Variants in ERMARD observed in about 807,000 individuals in gnomAD.
ERMARD encodes endoplasmic reticulum membrane-associated RNA degradation protein.
A neutral mutation model predicts 83.9 loss-of-function variants in ERMARD; 71 were observed. That is an observed-to-expected ratio of 0.85 (90% confidence interval 0.70 to 1.03). The LOEUF (loss-of-function observed/expected upper bound fraction) is 1.03. ERMARD is among the 50% of genes least tolerant of loss of function. The pLI is 0.00. For synonymous variants in ERMARD, 284 were observed against 298.6 expected (o/e 0.95, Z 0.50); for missense variants, 838 against 810.9 (o/e 1.03, Z -0.41).
In ERMARD at chr6:169,760,532, G is replaced by A. The variant is rs191682313; in HGVS notation, c.743-110G>A. 230 of 741,030 alleles carry A rather than the reference G, an allele frequency of 3.1e-4. 1 individual carries two copies. The highest frequency in any genetic ancestry group is 3.0e-3 in the African/African-American group (168 of 56,250). The allele number at this position is 741,030 out of a possible 1,614,324, so 45.9% of individuals were successfully genotyped here. A position where few individuals can be genotyped will look rare whatever the true frequency, so the allele number is the denominator to read the frequency against. On this transcript the variant is annotated intron_variant, in intron 7 of 17. Transcript: ENST00000366773. ...ACAAGTCCCCTGCTGCAGGGGTCAC[G>A]GTTCAGCCACCTAAAGGGGTTGGCT...
chr6:169,753,946 A>G lies in ERMARD; in HGVS notation c.89A>G (p.Glu30Gly), dbSNP rs533667178. 3.4e-5 allele frequency: 55 copies of G among 1,613,852 alleles called. No homozygotes were observed. In the South Asian group the frequency reaches 5.4e-4, roughly 16 times the overall value. ...IICNLGFQLR[E>G]NCDINSIVTQ... is the part of the protein sequence containing the mutation. ...TGTAATCTTGGGTTTCAACTCAGAGAAAATTGTGATATCAATAGCATTGTA... is the reference window on the plus strand; with the variant it reads ...TGTAATCTTGGGTTTCAACTCAGAGGAAATTGTGATATCAATAGCATTGTA... Residue 30 changes from glutamate (E) to glycine (G), a missense_variant, in exon 2 of 18, where the codon GAA becomes GGA. Physicochemically the swap from Glu to Gly is moderately conservative, Grantham distance 98. Transcript: ENST00000366773.
intron 14 of ERMARD, 64 bp from the exon 15 acceptor site, chr6:169,775,876 G>T: frequency 1.3e-6 from 2 of 1,579,138 alleles, no homozygotes; most frequent in South Asian, 1.2e-5. Context: ...GAACATTCTT[G>T]TGCACAGGCA....
chr6:169,775,206 A>C (rs1361705787), intron 13 of ERMARD, 64 bp from the exon 14 acceptor site: 2 of 1,547,202 alleles, frequency 1.3e-6, no homozygotes, highest in African/African-American at 2.7e-5. Flanking sequence ...AACATCCATA[A>C]AAACACAGAT....
chr6:169,778,591 A>G (rs1048482260), intron 16 of ERMARD, among the ~76,000 whole-genome samples: 2 of 152,202 alleles, frequency 1.3e-5, no homozygotes, highest in Non-Finnish European at 2.9e-5. Context: ...CTTTACATAG[A>G]TATCGCTGGA....
chr6:169,778,775 A>T (rs935354001), intron 16 of ERMARD, among the ~76,000 whole-genome samples: 1 of 152,238 alleles, frequency 6.6e-6, no homozygotes, highest in Non-Finnish European at 1.5e-5. Flanking sequence ...GGTGGCATTG[A>T]GCCTGCTTTC....
intron 1 of ERMARD, among the ~76,000 whole-genome samples, chr6:169,753,593 CAA>C (rs922259660): frequency 6.6e-6 from 1 of 151,282 alleles, no homozygotes; most frequent in African/African-American, 2.4e-5. Flanking sequence ...AAGGAATAAA[CAA>C]TGGCTACCCC....
chr6:169,762,313 G>A (rs1423957555), intron 8 of ERMARD, 116 bp from the exon 9 acceptor site: 11 of 903,518 alleles, frequency 1.2e-5, no homozygotes, highest in East Asian at 2.5e-5. Flanking sequence ...AGCCTCAAGC[G>A]ATCCTCCCAC....
intron 12 of ERMARD, chr6:169,773,054 T>C (rs1793158825): frequency 2.6e-6 from 1 of 378,248 alleles, no homozygotes; most frequent in African/African-American, 2.1e-5. Context: ...TTTTTTTTCT[T>C]ATTCATCTCC....
At chr6:169,751,694 C>G (rs776985400) in intron 1 of ERMARD, 31 bp downstream of exon 1, 5 of 1,540,578 alleles carry the variant, frequency 3.2e-6, no homozygotes, top group South Asian at 1.2e-5. Context: ...GGTTCGATCC[C>G]GAGCTAGGCA....
At position 169,776,586 on chromosome 6, in the gene ERMARD, C is replaced by T; in HGVS notation, c.1652C>T (p.Thr551Ile). 1 of 1,614,248 alleles carries T rather than the reference C, an allele frequency of 6.2e-7. No individual in the cohort carries two copies. Among genetic ancestry groups the T allele is most frequent in the Non-Finnish European group, 8.5e-7 (1 of 1,180,058 alleles). ...EQCRRVSSQV[T>I]VASELRHRQW... ...TGCCGCCGTGTGTCCAGCCAGGTCA[C>T]CGTTGCCTCAGAGCTGAGACACAGG... Residue 551 changes from threonine (T) to isoleucine (I), a missense_variant, in exon 16 of 18, where the codon ACC (threonine) becomes ATC (isoleucine). Transcript: ENST00000366773.
chr6:169,755,563 G>A, intron 3 of ERMARD, 141 bp downstream of exon 3: 1 of 1,014,940 alleles, frequency 9.9e-7, no homozygotes, highest in Non-Finnish European at 1.4e-6. Flanking sequence ...AGAGAACCCT[G>A]GGCTATTATG....
rs755400967 is a variant in ERMARD, at chr6:169,779,175, T to G, written c.1740-7T>G. On this transcript the variant is annotated splice_region_variant and splice_polypyrimidine_tract_variant and intron_variant, in intron 16 of 17. Transcript: ENST00000366773. The stretch of plus-strand genomic sequence containing the variant: ...TCACATTTTAATTTACTTTTATCTG[T>G]TTTTAGTATCAGACTACTGTCCCCT... 1 of 1,610,122 alleles carries G rather than the reference T, an allele frequency of 6.2e-7. No individual in the cohort carries two copies. The highest frequency in any genetic ancestry group is 2.2e-5 in the East Asian group (1 of 44,872).
intron 7 of ERMARD, 144 bp downstream of exon 7, chr6:169,760,118 A>G: frequency 2.1e-6 from 3 of 1,432,756 alleles, no homozygotes; most frequent in Non-Finnish European, 2.8e-6. Flanking sequence ...TGCTTGAAGA[A>G]CCTCCTACAT....
chr6:169,766,828 C>T (rs558206920), intron 10 of ERMARD, among the ~76,000 whole-genome samples, 161 bp downstream of exon 10: 34 of 152,252 alleles, frequency 2.2e-4, no homozygotes, highest in African/African-American at 6.5e-4. Context: ...TTGATATTTC[C>T]GGTTAATTTT....
intron 11 of ERMARD, 56 bp from the exon 12 acceptor site, chr6:169,769,484 C>G: frequency 6.8e-7 from 1 of 1,480,690 alleles, no homozygotes; most frequent in Non-Finnish European, 9.1e-7. Flanking sequence ...CAACACCAGG[C>G]ACGTCTCTCT....
intron 12 of ERMARD, chr6:169,770,443 A>G (rs969071053): frequency 6.6e-5 from 10 of 152,162 alleles, no homozygotes; most frequent in African/African-American, 2.4e-4. Flanking sequence ...TCAATATGTT[A>G]TTATTTACCT....
chr6:169,753,866 A>G lies in ERMARD; in HGVS notation c.9A>G (p.Val3=), dbSNP rs61736820. The G allele has an allele frequency of 1.3e-6, 2 of 1,552,728 alleles. No homozygotes were observed. The highest frequency in any genetic ancestry group is 1.7e-6 in the Non-Finnish European group (2 of 1,149,060). ...TTTTATTTTATTTTATTTTTTAGGT[A>G]TTAATAGGGGACCCTATTACCACAT... ME[V]LIGDPITTCL... The change falls in exon 2 of 18, where the codon GTA becomes GTG. Residue 3 remains valine, a splice_region_variant and synonymous_variant. Transcript: ENST00000366773.
rs1793540841 is a variant in ERMARD at position 169,775,970 on chromosome 6, C to G, written c.1425C>G (p.Cys475Trp). The change falls in exon 15 of 18, where the codon TGC becomes TGG. Residue 475 changes from cysteine to tryptophan, a missense_variant. Cys to Trp is a radical substitution (Grantham distance 215). Transcript: ENST00000366773. ...AAGATAATTCTGAAACAAATGCCTG[C>G]CACTCTTTGATTACAAAAATGACGG... is the stretch of plus-strand genomic sequence containing the variant. ...RLEDNSETNA[C>W]HSLITKMTDE... 1.2e-6 allele frequency: 2 copies of G among 1,614,072 alleles called. No homozygotes were observed. The highest frequency in any genetic ancestry group is 1.6e-4 in the Middle Eastern group (1 of 6,062).
intron 1 of ERMARD, chr6:169,753,221 G>A (rs1215378038): frequency 6.5e-6 from 1 of 154,264 alleles, no homozygotes; most frequent in Non-Finnish European, 1.5e-5. Context: ...TTTATATCCT[G>A]TCTTTGGGCG....
Sources: gnomAD v4.1 joint callset for allele counts (sites outside exome capture counted in the v4.1 genomes callset) on GRCh38, gnomAD v4.1.1 for gene constraint, MANE v1.5 for transcripts, NCBI Gene and HGNC (gene_info 2026-07-23, HGNC 2026-07-21) for gene names.